The following CHADL variants were observed in gnomAD, a reference collection of about 807,000 sequenced individuals.
The protein encoded by CHADL is chondroadherin like.
CHADL carries 48 observed loss-of-function variants against 52.1 expected under a neutral mutation model. The ratio of observed to expected loss-of-function variants is 0.92; its 90% CI spans 0.73 to 1.17. The LOEUF (loss-of-function observed/expected upper bound fraction) is 1.17, where lower values mean the gene tolerates loss of function less well. Among genes scored for constraint, CHADL ranks in the 50% most tolerant of loss-of-function variants. The probability of loss-of-function intolerance (pLI) is 0.00; values close to 1 mark genes in which losing one functional copy is unlikely to be tolerated. For synonymous variants in CHADL, 498 were observed against 511.2 expected, an observed-to-expected ratio of 0.97 and a Z score of 0.35; for missense variants, 977 against 1,035.1, an observed-to-expected ratio of 0.94 and a Z score of 0.77.
At position 41,237,832 on chromosome 22, in the gene CHADL, AGCCCTCGCAGCTGCTGT is replaced by A; in HGVS notation, c.1223_1239del (p.His408LeufsTer81). ...CCGCGGGGCACCGCCTGCAGGCCGC[AGCCCTCGCAGCTGCTGT>A]GCCGGGACTCGGGGACGCACACGCA... is the stretch of plus-strand genomic sequence containing the variant. On this transcript the variant is annotated frameshift_variant, in exon 3 of 6. Coordinates refer to ENST00000216241, the MANE Select transcript of CHADL (RefSeq NM_138481.2). LOFTEE classifies it high-confidence loss of function. The A allele has an allele frequency of 7.3e-7, 1 of 1,363,900 alleles. No homozygotes were observed. Among genetic ancestry groups the A allele is most frequent in the Non-Finnish European group, 9.5e-7 (1 of 1,049,848 alleles). The allele number at this position is 1,363,900 out of a possible 1,614,324, so 84.5% of individuals were successfully genotyped here.
At position 41,235,252 on chromosome 22, in the gene CHADL, AG is replaced by A; in HGVS notation, c.2154del (p.Phe719LeufsTer75). 5.8e-6 allele frequency: 9 copies of A among 1,551,416 alleles called. No individual in the cohort carries two copies. The highest frequency in any genetic ancestry group is 7.8e-6 in the Non-Finnish European group (9 of 1,146,994). ...RGQRVKAAAA[V>X]FEDCPGWAAR... ...GCAGCCCAGCCCGGGCAGTCTTCAA[AG>A]ACAGCAGCTGCAGCCTTCACCCTCT... On this transcript the variant is annotated frameshift_variant, in exon 5 of 6. Transcript: ENST00000216241. LOFTEE classifies it high-confidence loss of function.
rs138870411 is a variant in CHADL at position 41,230,173 on chromosome 22, C to T, written c.2263-443G>A. On this transcript the variant is annotated intron_variant, in intron 5 of 5. Coordinates refer to ENST00000216241, the MANE Select transcript of CHADL (RefSeq NM_138481.2). ...TGCGTGTGAAGGAAGAGCATCTAGA[C>T]GTGGCCTCGCCCGACAAGGCTTCAA... is the stretch of plus-strand genomic sequence containing the variant. 151 of 1,457,538 alleles carry T rather than the reference C, an allele frequency of 1.0e-4. No homozygotes were observed. In the African/African-American group the frequency reaches 1.1e-3, roughly 11 times the overall value. 90.3% of individuals were successfully genotyped at this position (1,457,538 alleles called of 1,614,324 possible). A position where few individuals can be genotyped will look rare whatever the true frequency, so the allele number is the denominator to read the frequency against.
chr22:41,232,887 A>T (rs947506206), intron 5 of CHADL, among the ~76,000 whole-genome samples: 5 of 152,138 alleles, frequency 3.3e-5, no homozygotes, highest in African/African-American at 1.2e-4. Flanking sequence ...CTGCCAACTG[A>T]GATTAGTATT....
At chr22:41,232,208 T>C (rs999963711) in intron 5 of CHADL, among the ~76,000 whole-genome samples, 5 of 151,972 alleles carry the variant, frequency 3.3e-5, no homozygotes, top group Non-Finnish European at 5.9e-5. Flanking sequence ...GGCAGTCACC[T>C]GTAATCCCAG....
Position 41,236,550 on chromosome 22 carries a change from T to C in CHADL, c.1997A>G (p.Gln666Arg), listed in dbSNP as rs1235660550. ...GCTGCTGAGGTCGATGAGCTCCAGCTGGCTGAGACTGGGCAGGGCAGGCAG... is the reference window on the plus strand; with the variant it reads ...GCTGCTGAGGTCGATGAGCTCCAGCCGGCTGAGACTGGGCAGGGCAGGCAG... ...RALPALPSLS[Q>R]LELIDLSSNP... Residue 666 changes from glutamine to arginine, a missense_variant, in exon 4 of 6, where the codon CAG becomes CGG. Physicochemically the swap from Gln to Arg is conservative, Grantham distance 43. Coordinates refer to ENST00000216241, the MANE Select transcript of CHADL (RefSeq NM_138481.2). 6.4e-7 allele frequency: 1 copy of C among 1,551,490 alleles called. No homozygotes were observed. The highest frequency in any genetic ancestry group is 8.7e-7 in the Non-Finnish European group (1 of 1,146,966).
rs1356606359 is a variant in CHADL, at chr22:41,238,454, G to T, written c.618C>A (p.Pro206=). The T allele has an allele frequency of 6.5e-7, 1 of 1,529,658 alleles. No individual in the cohort carries two copies. Among genetic ancestry groups the T allele is most frequent in the Non-Finnish European group, 8.8e-7 (1 of 1,140,744 alleles). 94.8% of individuals were successfully genotyped at this position (1,529,658 alleles called of 1,614,324 possible). A position where few individuals can be genotyped will look rare whatever the true frequency, so the allele number is the denominator to read the frequency against. ...VLAPEALAGL[P]ALRRLSLHHN... is the part of the protein sequence containing the mutation. Reference sequence around the variant, plus strand: ...GGTGTAGGCTGAGCCGTCTCAGGGCGGGCAGGCCAGCCAGGGCCTCGGGGG... The same window carrying T: ...GGTGTAGGCTGAGCCGTCTCAGGGCTGGCAGGCCAGCCAGGGCCTCGGGGG... Residue 206 remains proline, a synonymous_variant, in exon 3 of 6, where the codon CCC becomes CCA. Coordinates refer to ENST00000216241, the MANE Select transcript of CHADL (RefSeq NM_138481.2). This position sits in a 1 kb window ranked among gnomAD's most constrained non-coding sequence, Gnocchi z 4.9.
chr22:41,229,651 G>A lies in CHADL; in HGVS notation c.*53C>T. The A allele has an allele frequency of 6.2e-7, 1 of 1,613,496 alleles. No homozygotes were observed. The highest frequency in any genetic ancestry group is 8.5e-7 in the Non-Finnish European group (1 of 1,180,042). On this transcript the variant is annotated 3_prime_UTR_variant, in exon 6 of 6. Coordinates refer to ENST00000216241, the MANE Select transcript of CHADL (RefSeq NM_138481.2). ...AAGATCTCGTCGGAGCCTGTTCCTG[G>A]CGAGAGTAAGAGCCACCGGGCTGGG... is the stretch of plus-strand genomic sequence containing the variant.
intron 5 of CHADL, chr22:41,230,118 C>A: frequency 7.4e-7 from 1 of 1,343,016 alleles, no homozygotes; most frequent in Non-Finnish European, 1.1e-6. Flanking sequence ...GCCCACCCAC[C>A]CGCCTCCCCT....
Position 41,239,615 on chromosome 22 carries a change from CG to C in CHADL, c.13del (p.Arg5GlyfsTer59). On this transcript the variant is annotated frameshift_variant, in exon 2 of 6. Coordinates refer to ENST00000216241, the MANE Select transcript of CHADL (RefSeq NM_138481.2). LOFTEE classifies it high-confidence loss of function. ...CACCAAGGGGACATGGGTGGAGCTC[CG>C]GGGCCTGGGACGGGGAGGGAGAGTC... is the stretch of plus-strand genomic sequence containing the variant. MEGPRSSTHVPLVLP... is the reference protein window; with the variant it reads MEGPXSSTHVPLVLP... The C allele has an allele frequency of 6.5e-7, 1 of 1,528,338 alleles. No individual in the cohort carries two copies. 94.7% of individuals were successfully genotyped at this position (1,528,338 alleles called of 1,614,324 possible).
intron 5 of CHADL, chr22:41,230,340 G>A (rs1484624576): frequency 1.9e-5 from 18 of 947,486 alleles, no homozygotes; most frequent in Non-Finnish European, 2.7e-5. Flanking sequence ...ACTTTGGCTT[G>A]GAGACTGATC....
In CHADL at chr22:41,237,717, A is replaced by G; in HGVS notation, c.1355T>C (p.Val452Ala). 6.5e-7 allele frequency: 1 copy of G among 1,541,792 alleles called. No homozygotes were observed. Among genetic ancestry groups the G allele is most frequent in the South Asian group, 1.2e-5 (1 of 83,352 alleles). The stretch of plus-strand genomic sequence containing the variant: ...GCCGCAGTGCTGCAGGTGCAGCGAC[A>G]CCAGGTGGCCCAGGCCGGGGAAGGC... The part of the protein sequence containing the change: ...RAAFPGLGHL[V>A]SLHLQHCGIA... Residue 452 changes from valine to alanine, a missense_variant, in exon 3 of 6, where the codon GTG becomes GCG. Coordinates refer to ENST00000216241, the MANE Select transcript of CHADL (RefSeq NM_138481.2).
At chr22:41,231,602 G>A (rs139485) in intron 5 of CHADL, among the ~76,000 whole-genome samples, 62,353 of 152,146 alleles carry the variant, frequency 0.41, 13,413 homozygotes, top group African/African-American at 0.54. Flanking sequence ...CTAGAGGTCA[G>A]CTTGATTTGT....
chr22:41,233,828 G>A (rs1158033431), intron 5 of CHADL, among the ~76,000 whole-genome samples: 1 of 152,166 alleles, frequency 6.6e-6, no homozygotes, highest in Admixed American at 6.5e-5. Context: ...AGGTCCAGGG[G>A]AGATAGAGCC....
chr22:41,240,779 G>A (rs926223443), intron 1 of CHADL, 95 bp downstream of exon 1: 55 of 1,449,712 alleles, frequency 3.8e-5, no homozygotes, highest in Admixed American at 1.8e-4. Context: ...GCCCCTGCCC[G>A]CCAGCCTCTG....
At chr22:41,233,634 T>TGTTCCAGAGAGCACTACCG (rs1320811454) in intron 5 of CHADL, among the ~76,000 whole-genome samples, 2 of 152,192 alleles carry the variant, frequency 1.3e-5, no homozygotes, top group Non-Finnish European at 2.9e-5. Flanking sequence ...TTCCACTACC[T>TGTTCCAGAGAGCACTACCG]GTTCCAGAGA....
Position 41,229,524 on chromosome 22 carries a change from C to G in CHADL, c.*180G>C. 1 of 1,603,546 alleles carries G rather than the reference C, an allele frequency of 6.2e-7. No individual in the cohort carries two copies. ...TACAACCCTAATGCTGGGTTTGAAT[C>G]CATTTTTATTCAAAGGGAAAAGAAT... On this transcript the variant is annotated 3_prime_UTR_variant, in exon 6 of 6. Transcript: ENST00000216241.
In CHADL at chr22:41,238,831, C is replaced by T. The variant is rs752266513; in HGVS notation, c.241G>A (p.Ala81Thr). 337 of 1,547,640 alleles carry T rather than the reference C, an allele frequency of 2.2e-4. No individual in the cohort carries two copies. Among genetic ancestry groups the T allele is most frequent in the Non-Finnish European group, 1.8e-4 (203 of 1,145,142 alleles). Residue 81 changes from alanine (A) to threonine (T), a missense_variant, in exon 3 of 6, where the codon GCC becomes ACC. Coordinates refer to ENST00000216241, the MANE Select transcript of CHADL (RefSeq NM_138481.2). This position sits in a 1 kb window ranked among gnomAD's most constrained non-coding sequence, Gnocchi z 4.9. ...GNLLKVIPAA[A>T]FQGVPHLTHL... ...GTGAGGTGAGGCACGCCCTGGAAGG[C>T]GGCTGCGGGGATCACCTTCAGCAAA...
At chr22:41,232,054 C>T (rs908438475) in intron 5 of CHADL, among the ~76,000 whole-genome samples, 18 of 152,248 alleles carry the variant, frequency 1.2e-4, no homozygotes, top group Middle Eastern at 6.8e-3. Context: ...CACCTGTTGC[C>T]GGGCGCGGTG....
rs139130242 is a variant in CHADL at position 41,236,493 on chromosome 22, G to A, written c.2054C>T (p.Pro685Leu). 3.0e-4 allele frequency: 471 copies of A among 1,551,074 alleles called. 2 individuals are homozygous for A. In the African/African-American group the frequency reaches 5.4e-3, roughly 18 times the overall value. ...AGGTGGGGGTGCCCACCTGTGCAGC[G>A]GAAGCAGCTGGCAGTCACAGTGGAA... is the stretch of plus-strand genomic sequence containing the variant. ...NPFHCDCQLLPLHRWLTGLNL... is the reference protein window; with the variant it reads ...NPFHCDCQLLLLHRWLTGLNL... Residue 685 changes from proline (P) to leucine (L), a missense_variant, in exon 4 of 6, where the codon CCG (proline) becomes CTG (leucine). Pro to Leu is a moderately conservative substitution (Grantham distance 98). Transcript: ENST00000216241.
Sources: gnomAD v4.1 joint callset for allele counts (sites outside exome capture counted in the v4.1 genomes callset) on GRCh38, gnomAD v4.1.1 for gene constraint, Gnocchi (gnomAD v3.1) non-coding constraint, MANE v1.5 for transcripts, NCBI Gene and HGNC (gene_info 2026-07-23, HGNC 2026-07-21) for gene names.